ASPH: variants seen among roughly 807,000 people sequenced by gnomAD.
ASPH encodes the protein aspartyl/asparaginyl beta-hydroxylase.
A neutral mutation model predicts 118.4 loss-of-function variants in ASPH; 100 were observed. That is an observed-to-expected ratio of 0.84 (90% confidence interval 0.72 to 1.00). The LOEUF is 1.00. Ranked by LOEUF, ASPH falls within the 50% of genes least tolerant of loss-of-function variation. The pLI is 0.00. For missense variants in ASPH, 920 were observed against 919.5 expected (o/e 1.00, Z -0.01); for synonymous variants, 315 against 325.6 (o/e 0.97, Z 0.35).
chr8:61,671,838 C>T (rs1822706762), intron 3 of ASPH, among the ~76,000 whole-genome samples: 1 of 152,198 alleles, frequency 6.6e-6, no homozygotes, highest in African/African-American at 2.4e-5. Flanking sequence ...AACCATTAAG[C>T]CAATGGATAG....
intron 3 of ASPH, chr8:61,661,954 TAA>T (rs564839359): frequency 4.7e-6 from 2 of 423,788 alleles, no homozygotes; most frequent in South Asian, 5.8e-5. Flanking sequence ...AAGACTTGTT[TAA>T]AAAAAAAATT....
intron 14 of ASPH, among the ~76,000 whole-genome samples, chr8:61,597,680 G>T (rs1392307751): frequency 6.6e-6 from 1 of 152,172 alleles, no homozygotes; most frequent in Non-Finnish European, 1.5e-5. Context: ...TAGAATAACA[G>T]CATATTTCTC....
chr8:61,694,247 A>G (rs1228728050), intron 1 of ASPH, among the ~76,000 whole-genome samples: 1 of 151,718 alleles, frequency 6.6e-6, no homozygotes, highest in Non-Finnish European at 1.5e-5. Flanking sequence ...GCTACCTCGC[A>G]CTCTGCACTG....
In ASPH at chr8:61,578,844, G is replaced by A. The variant is rs975996540; in HGVS notation, c.1063-1986C>T. 35 of 1,612,516 alleles carry A rather than the reference G, an allele frequency of 2.2e-5. No homozygotes were observed. The African/African-American group carries it at 3.2e-4, about 15-fold the overall frequency. On this transcript the variant is annotated intron_variant, in intron 15 of 24. Transcript: ENST00000379454. ...GGATGAAGCTTACATGAACAAGGTA[G>A]AGCTGGAGTCTCGCCTGGAAGGGCT... is the stretch of plus-strand genomic sequence containing the variant.
intron 1 of ASPH, among the ~76,000 whole-genome samples, chr8:61,712,042 T>G (rs1838176759): frequency 6.6e-6 from 1 of 152,208 alleles, no homozygotes; most frequent in Non-Finnish European, 1.5e-5. Context: ...TAACAAAACC[T>G]GGGTTCTTAG....
chr8:61,516,919 C>T (rs74611657), intron 24 of ASPH: 13,465 of 152,324 alleles, frequency 0.088, 674 homozygotes, highest in Non-Finnish European at 0.12. Context: ...GACTGAGCAC[C>T]TTATAGGCAT....
chr8:61,697,788 AT>A (rs1276265776), intron 1 of ASPH, among the ~76,000 whole-genome samples: 2 of 152,160 alleles, frequency 1.3e-5, no homozygotes, highest in Non-Finnish European at 2.9e-5. Context: ...AATTAAAATT[AT>A]TTTATTTGAT....
At chr8:61,624,680 TAA>T in intron 13 of ASPH, 1 of 985,536 alleles carries the variant, frequency 1.0e-6, no homozygotes, top group Non-Finnish European at 1.2e-6. Context: ...CAAAAATATT[TAA>T]AGTTAACCAC....
chr8:61,596,766 C>T (rs936222676), intron 14 of ASPH, among the ~76,000 whole-genome samples: 1 of 152,188 alleles, frequency 6.6e-6, no homozygotes, highest in African/African-American at 2.4e-5. Context: ...AAAGCCAATT[C>T]ACAAAATTGG....
At chr8:61,517,918 A>G in intron 23 of ASPH, 114 bp downstream of exon 23, 1 of 1,185,402 alleles carries the variant, frequency 8.4e-7, no homozygotes, top group Non-Finnish European at 1.2e-6. Context: ...TAAAAAGGGC[A>G]TGTAAAAAGA....
chr8:61,624,341 T>A, intron 13 of ASPH: 1 of 985,372 alleles, frequency 1.0e-6, no homozygotes, highest in Non-Finnish European at 1.2e-6. Context: ...TCTTGCTTCC[T>A]GGCAATGTAG....
At chr8:61,627,609 T>C (rs1048300229) in intron 13 of ASPH, among the ~76,000 whole-genome samples, 1 of 152,228 alleles carries the variant, frequency 6.6e-6, no homozygotes, top group African/African-American at 2.4e-5. Context: ...TAGATTCTCT[T>C]GGCATTCAAC....
chr8:61,571,952 T>A (rs1412197084), intron 16 of ASPH, among the ~76,000 whole-genome samples: 1 of 152,244 alleles, frequency 6.6e-6, no homozygotes, highest in Non-Finnish European at 1.5e-5. Context: ...CTGACCAAAC[T>A]AATTTATAAA....
Position 61,640,799 on chromosome 8 carries a change from T to C in ASPH, c.790+2089A>G, listed in dbSNP as rs76313402. On this transcript the variant is annotated intron_variant, in intron 10 of 24. Coordinates refer to ENST00000379454, the MANE Select transcript of ASPH (RefSeq NM_004318.4). ...AGTCAATTACATGGTAAGGCCATACTGTCACTTCCCAGGTTTGTCCAATGT... is the reference window on the plus strand; with the variant it reads ...AGTCAATTACATGGTAAGGCCATACCGTCACTTCCCAGGTTTGTCCAATGT... Among the ~76,000 whole-genome samples the C allele has an allele frequency of 7.6e-3, 1,159 of 152,348 alleles. 54 individuals carry two copies. In the East Asian group the frequency reaches 0.14, roughly 18 times the overall value.
intron 3 of ASPH, chr8:61,658,168 C>G (rs1043740924): frequency 6.6e-6 from 1 of 152,184 alleles, no homozygotes; most frequent in Non-Finnish European, 1.5e-5. Context: ...CTTGTGTAAT[C>G]AGTGAATACA....
chr8:61,540,259 G>A (rs1821346841), intron 21 of ASPH, among the ~76,000 whole-genome samples: 1 of 152,154 alleles, frequency 6.6e-6, no homozygotes, highest in Non-Finnish European at 1.5e-5. Context: ...AATCCTCAGT[G>A]TTAGAGGTGG....
chr8:61,701,639 T>C (rs1252824211), intron 1 of ASPH, among the ~76,000 whole-genome samples: 1 of 152,194 alleles, frequency 6.6e-6, no homozygotes, highest in Non-Finnish European at 1.5e-5. Context: ...ACTAAACAGA[T>C]GGACCAGCTA....
chr8:61,585,722 G>A (rs767830143), intron 14 of ASPH, among the ~76,000 whole-genome samples: 1 of 152,096 alleles, frequency 6.6e-6, no homozygotes, highest in African/African-American at 2.4e-5. Flanking sequence ...CACCTTTCCT[G>A]TCAGCACTTT....
chr8:61,562,941 T>A, intron 17 of ASPH, 61 bp from the exon 18 acceptor site: 1 of 1,471,150 alleles, frequency 6.8e-7, no homozygotes, highest in South Asian at 1.5e-5. Flanking sequence ...ACTTTTGTAT[T>A]GAGAATGTAA....
Sources: allele counts gnomAD v4.1 joint callset (sites outside exome capture counted in the v4.1 genomes callset), GRCh38; gene constraint gnomAD v4.1.1; transcripts MANE v1.5; gene names NCBI Gene and HGNC (gene_info 2026-07-23, HGNC 2026-07-21).